The following ARHGAP36 variants were observed in gnomAD, a reference collection of about 807,000 sequenced individuals.
ARHGAP36 encodes the protein rho GTPase-activating protein 36.
In ARHGAP36, 7 loss-of-function variants were observed where a neutral mutation model predicts 32.9. The observed-to-expected ratio is 0.21, with a 90% CI of 0.12 to 0.40. ARHGAP36 has a LOEUF of 0.40. Ranked by LOEUF, ARHGAP36 falls within the 10% of genes least tolerant of loss-of-function variation. The probability of loss-of-function intolerance (pLI) is 1.00; values close to 1 mark genes in which losing one functional copy is unlikely to be tolerated. For synonymous variants in ARHGAP36, 165 were observed against 168.3 expected (o/e 0.98, Z 0.15); for missense variants, 383 against 442.2 (o/e 0.87, Z 1.20).
rs1448349806 is a variant in ARHGAP36 at position 131,088,632 on chromosome X, C to T, written c.1491C>T (p.Ser497=). ...LAQSKPSDEG[S]SEEPAVPSGT... The stretch of plus-strand genomic sequence containing the variant: ...AACATTGTTACTATTTTTCAGGTTC[C>T]TCTGAGGAGCCAGCTGTGCCTTCCG... The change falls in exon 12 of 12, where the codon TCC becomes TCT. Residue 497 remains serine, a synonymous_variant. Coordinates refer to ENST00000276211, the MANE Select transcript of ARHGAP36 (RefSeq NM_144967.4). 8.3e-7 allele frequency: 1 copy of T among 1,208,699 alleles called. No homozygotes were observed. The highest frequency in any genetic ancestry group is 1.1e-6 in the Non-Finnish European group (1 of 894,568).
intron 1 of ARHGAP36, among the ~76,000 whole-genome samples, chrX:131,076,769 C>T (rs760621610): frequency 2.7e-5 from 3 of 112,319 alleles, no homozygotes; most frequent in Admixed American, 1.9e-4. Flanking sequence ...CCCTGTCTCT[C>T]TGTGAGCCTC....
chrX:131,079,334 CTT>C (rs1365007164), intron 1 of ARHGAP36, among the ~76,000 whole-genome samples: 1 of 111,645 alleles, frequency 9.0e-6, no homozygotes, highest in Non-Finnish European at 1.9e-5. Flanking sequence ...TAGGTGTTCA[CTT>C]TGGGTCCAGG....
At position 131,086,612 on chromosome X, in the gene ARHGAP36, C is replaced by T; in HGVS notation, c.1433C>T (p.Thr478Ile). 2.5e-6 allele frequency: 3 copies of T among 1,211,979 alleles called. No individual in the cohort carries two copies. The highest frequency in any genetic ancestry group is 1.7e-5 in the African/African-American group (1 of 57,846). Residue 478 changes from threonine to isoleucine, a missense_variant, in exon 11 of 12, where the codon ACC becomes ATC. Coordinates refer to ENST00000276211, the MANE Select transcript of ARHGAP36 (RefSeq NM_144967.4). ...GCACTACTTTCTGATCCAGTGGAAA[C>T]CTCTGCTGAAGCCCGGGCTGCTGTC... ...EDALLSDPVE[T>I]SAEARAAVLA...
In ARHGAP36 at chrX:131,058,439, G is replaced by A; in HGVS notation, c.-148G>A. 2 of 1,073,682 alleles carry A rather than the reference G, an allele frequency of 1.9e-6. No individual in the cohort carries two copies. The highest frequency in any genetic ancestry group is 2.4e-6 in the Non-Finnish European group (2 of 823,449). The allele number at this position is 1,073,682 out of a possible 1,213,427, so 88.5% of individuals were successfully genotyped here. A position where few individuals can be genotyped will look rare whatever the true frequency, so the allele number is the denominator to read the frequency against. ...GCCTCGGCCTTTGAGCCCCGCCCCC[G>A]CCGTGGTGAGTGGGGCCCACCGAGT... On this transcript the variant is annotated 5_prime_UTR_variant, in exon 1 of 12. Coordinates refer to ENST00000276211, the MANE Select transcript of ARHGAP36 (RefSeq NM_144967.4).
At chrX:131,077,468 A>T (rs1299545503) in intron 1 of ARHGAP36, among the ~76,000 whole-genome samples, 1 of 108,782 alleles carries the variant, frequency 9.2e-6, no homozygotes, top group East Asian at 2.9e-4. Context: ...TAACTATTTT[A>T]TGGGGGTAAT....
chrX:131,068,541 C>T (rs1387090166), intron 1 of ARHGAP36, among the ~76,000 whole-genome samples: 1 of 111,319 alleles, frequency 9.0e-6, no homozygotes, highest in Non-Finnish European at 1.9e-5. Context: ...GACCCTGACT[C>T]AGCGCACTGT....
At position 131,088,744 on chromosome X, in the gene ARHGAP36, G is replaced by A. The variant is rs770094078; in HGVS notation, c.1603G>A (p.Glu535Lys). 1 of 1,210,807 alleles carries A rather than the reference G, an allele frequency of 8.3e-7. No homozygotes were observed. Among genetic ancestry groups the A allele is most frequent in the Non-Finnish European group, 1.1e-6 (1 of 895,203 alleles). ...CCGCCCATTGCTCCGTGTGCCCCGG[G>A]AGAAGGAGGCCAAAACTGGCGTCAG... ...QDRPLLRVPR[E>K]KEAKTGVSYF... Residue 535 changes from glutamate (E) to lysine (K), a missense_variant, in exon 12 of 12, where the codon GAG becomes AAG. Glu to Lys is a moderately conservative substitution (Grantham distance 56, BLOSUM62 1). Around this residue, in one of 2 missense-constraint regions of ARHGAP36, gnomAD observed 227 missense variants for 311.3 expected, o/e 0.73. Transcript: ENST00000276211.
intron 1 of ARHGAP36, among the ~76,000 whole-genome samples, chrX:131,066,461 GT>G (rs1215314457): frequency 6.2e-5 from 7 of 112,033 alleles, no homozygotes; most frequent in Non-Finnish European, 1.1e-4. Flanking sequence ...ACTGGAGCTA[GT>G]GAGGTGCACT....
intron 1 of ARHGAP36, among the ~76,000 whole-genome samples, chrX:131,073,512 C>G (rs1456147719): frequency 4.4e-5 from 5 of 112,910 alleles, no homozygotes; most frequent in Non-Finnish European, 9.4e-5. Flanking sequence ...CCCCTGCACT[C>G]TGGCCCCTTG....
rs1256533982 is a variant in ARHGAP36, at chrX:131,084,676, C to T, written c.799C>T (p.Arg267Cys). The T allele has an allele frequency of 3.3e-6, 4 of 1,209,999 alleles. No homozygotes were observed. The highest frequency in any genetic ancestry group is 4.5e-6 in the Non-Finnish European group (4 of 895,001). ...CCTTGAATACTCCGTGCAGCGAGTG[C>T]GTCAGGTAAATTGGCTATGTTTACA... Reference protein sequence around the residue: ...FTLEYSVQRVRQLREEFDQGL... With the variant: ...FTLEYSVQRVCQLREEFDQGL... The change falls in exon 6 of 12, where the codon CGT becomes TGT. Residue 267 changes from arginine (R) to cysteine (C), a missense_variant. Arg to Cys is a radical substitution (Grantham distance 180). Transcript: ENST00000276211.
intron 1 of ARHGAP36, among the ~76,000 whole-genome samples, chrX:131,068,159 G>A (rs1274450473): frequency 9.0e-6 from 1 of 111,710 alleles, no homozygotes; most frequent in Non-Finnish European, 1.9e-5. Flanking sequence ...AAGCACTCCA[G>A]CTAAAACGTG....
At chrX:131,088,509 G>A in intron 11 of ARHGAP36, 119 bp from the exon 12 acceptor site, 1 of 680,807 alleles carries the variant, frequency 1.5e-6, no homozygotes, top group Non-Finnish European at 2.2e-6. Context: ...AATCATCCCT[G>A]TCCTACCTTC....
At chrX:131,079,562 GTTTTT>G (rs11417328) in intron 1 of ARHGAP36, among the ~76,000 whole-genome samples, 2 of 93,138 alleles carry the variant, frequency 2.1e-5, no homozygotes, top group Non-Finnish European at 4.2e-5. Flanking sequence ...TTTGTTTTTT[GTTTTT>G]TTTTTTTTGG....
intron 1 of ARHGAP36, among the ~76,000 whole-genome samples, chrX:131,074,369 G>C (rs1440374156): frequency 9.1e-6 from 1 of 110,289 alleles, no homozygotes; most frequent in East Asian, 2.8e-4. Context: ...GAGAGAGAGA[G>C]AGAGAGGGAA....
rs781148011 is a variant in ARHGAP36, at chrX:131,071,927, T to C, written c.-142-9597T>C. On this transcript the variant is annotated intron_variant, in intron 1 of 11. Coordinates refer to ENST00000276211, the MANE Select transcript of ARHGAP36 (RefSeq NM_144967.4). ...AATTGTGTATTTGAAATTCTCCCAC[T>C]TAAGATCTTGTGATTATAACCCCAT... 2.0e-3 allele frequency among the ~76,000 whole-genome samples: 221 copies of C among 112,495 alleles called. 1 individual carries two copies. The highest frequency in any genetic ancestry group is 3.0e-3 in the Non-Finnish European group (161 of 53,315).
intron 1 of ARHGAP36, among the ~76,000 whole-genome samples, chrX:131,080,859 G>C (rs989711990): frequency 3.6e-5 from 4 of 111,143 alleles, no homozygotes; most frequent in Admixed American, 2.8e-4. Context: ...TTAGCATTTG[G>C]GTGCATTTCC....
chrX:131,069,916 C>T (rs1785584128), intron 1 of ARHGAP36, among the ~76,000 whole-genome samples: 1 of 112,312 alleles, frequency 8.9e-6, no homozygotes, highest in South Asian at 3.7e-4. Flanking sequence ...CTCCTGTTAA[C>T]TTATGTCCCA....
At position 131,086,405 on chromosome X, in the gene ARHGAP36, G is replaced by T. The variant is rs1569369624; in HGVS notation, c.1358G>T (p.Arg453Leu). Residue 453 changes from arginine (R) to leucine (L), a missense_variant, in exon 10 of 12, where the codon CGC (arginine) becomes CTC (leucine). Coordinates refer to ENST00000276211, the MANE Select transcript of ARHGAP36 (RefSeq NM_144967.4). ...SSPEALDFIR[R>L]RNLRKIQSAR... ...CCGGAAGCACTTGATTTTATCAGAC[G>T]CAGGAACTTGAGGAAGATCCAGTGA... The T allele has an allele frequency of 2.5e-6, 3 of 1,210,379 alleles. No individual in the cohort carries two copies. The highest frequency in any genetic ancestry group is 3.4e-6 in the Non-Finnish European group (3 of 895,346).
At chrX:131,083,272 G>A (rs369052966) in intron 3 of ARHGAP36, 42 bp downstream of exon 3, 1 of 1,158,715 alleles carries the variant, frequency 8.6e-7, no homozygotes, top group South Asian at 1.9e-5. Context: ...GAAATAGAAT[G>A]CTAACCCCCT....
Sources: allele counts gnomAD v4.1 joint callset (sites outside exome capture counted in the v4.1 genomes callset), GRCh38; gene constraint gnomAD v4.1.1; regional missense constraint gnomAD v4.1.1; transcripts MANE v1.5; gene names NCBI Gene and HGNC (gene_info 2026-07-23, HGNC 2026-07-21).